The following ENTPD3 variants were observed in gnomAD, a reference collection of about 807,000 sequenced individuals.
ENTPD3 encodes the protein CD39 antigen-like 3.
Under a neutral mutation model 51.2 loss-of-function variants are expected in ENTPD3, and 60 were observed. The ratio of observed to expected loss-of-function variants is 1.17; its 90% CI spans 0.95 to 1.45. The LOEUF is 1.45. ENTPD3 is among the 40% of genes most tolerant of loss of function. The pLI, the probability that ENTPD3 is intolerant of heterozygous loss-of-function variation, is 0.00. For missense variants in ENTPD3, 593 were observed against 641.1 expected (o/e 0.93, Z 0.81); for synonymous variants, 221 against 238.4 (o/e 0.93, Z 0.67).
rs903142713 is a variant in ENTPD3 at position 40,401,014 on chromosome 3, A to G, written c.286+3A>G. 1.9e-6 allele frequency: 3 copies of G among 1,604,784 alleles called. No homozygotes were observed. Among genetic ancestry groups the G allele is most frequent in the Non-Finnish European group, 2.6e-6 (3 of 1,171,590 alleles). On this transcript the variant is annotated splice_donor_region_variant and intron_variant, in intron 4 of 10. Coordinates refer to ENST00000301825, the MANE Select transcript of ENTPD3 (RefSeq NM_001248.4). ...AACCTTCAAATGTAGTGTGAAAGGT[A>G]AGGACTGAAGTGTGTCTGGGAGTCA...
intron 10 of ENTPD3, among the ~76,000 whole-genome samples, chr3:40,425,544 A>T (rs1369979719): frequency 6.6e-6 from 1 of 152,174 alleles, no homozygotes; most frequent in Non-Finnish European, 1.5e-5. Flanking sequence ...AGAGAAATAA[A>T]TCCAGGAGAT....
intron 3 of ENTPD3, among the ~76,000 whole-genome samples, chr3:40,394,048 C>CAAAAA (rs559701033): frequency 9.3e-5 from 6 of 64,418 alleles, no homozygotes; most frequent in African/African-American, 3.6e-4. Context: ...GACTCTGTCT[C>CAAAAA]AAAAAAAAAA....
intron 3 of ENTPD3, among the ~76,000 whole-genome samples, chr3:40,395,121 G>A (rs903732876): frequency 3.9e-5 from 6 of 152,320 alleles, no homozygotes; most frequent in African/African-American, 1.4e-4. Context: ...AGGTGCATGG[G>A]CTCTTTATTC....
At chr3:40,417,227 G>A (rs184183917) in intron 7 of ENTPD3, among the ~76,000 whole-genome samples, 269 of 152,296 alleles carry the variant, frequency 1.8e-3, no homozygotes, top group Non-Finnish European at 2.7e-3. Flanking sequence ...CCCTTCTGTA[G>A]TAATCCATGC....
chr3:40,427,594 A>G lies in ENTPD3; in HGVS notation c.*86A>G. The G allele has an allele frequency of 1.0e-6, 1 of 987,256 alleles. No individual in the cohort carries two copies. The highest frequency in any genetic ancestry group is 1.6e-5 in the African/African-American group (1 of 61,878). 61.2% of individuals were successfully genotyped at this position (987,256 alleles called of 1,614,324 possible). A position where few individuals can be genotyped will look rare whatever the true frequency, so the allele number is the denominator to read the frequency against. ...CAATGCAGGTGAAGTGGCTGCCTTCAGGAAATACAACTAACTAAAATCAAA... is the reference window on the plus strand; with the variant it reads ...CAATGCAGGTGAAGTGGCTGCCTTCGGGAAATACAACTAACTAAAATCAAA... On this transcript the variant is annotated 3_prime_UTR_variant, in exon 11 of 11. Transcript: ENST00000301825.
At chr3:40,421,910 G>A (rs1955881656) in intron 7 of ENTPD3, among the ~76,000 whole-genome samples, 1 of 152,182 alleles carries the variant, frequency 6.6e-6, no homozygotes, top group Non-Finnish European at 1.5e-5. Context: ...AAGGCCTGAT[G>A]GCTGCAAGTG....
intron 7 of ENTPD3, among the ~76,000 whole-genome samples, chr3:40,422,111 C>T (rs1338338402): frequency 1.3e-5 from 2 of 149,914 alleles, no homozygotes; most frequent in Non-Finnish European, 3.0e-5. Context: ...GAGCCTAGCG[C>T]TATGCCTGGT....
At chr3:40,426,649 T>G (rs1048093609) in intron 10 of ENTPD3, among the ~76,000 whole-genome samples, 4 of 152,026 alleles carry the variant, frequency 2.6e-5, no homozygotes, top group African/African-American at 9.7e-5. Flanking sequence ...GAAAGATAAT[T>G]TTGTTAAATT....
chr3:40,421,025 AT>A (rs1165623479), intron 7 of ENTPD3, among the ~76,000 whole-genome samples: 2,318 of 142,140 alleles, frequency 0.016, 36 homozygotes, highest in African/African-American at 0.046. Context: ...ATTAATTTAA[AT>A]TTTTTTTTTT....
chr3:40,411,292 G>GA (rs773251760), intron 4 of ENTPD3, among the ~76,000 whole-genome samples: 144 of 80,208 alleles, frequency 1.8e-3, no homozygotes, highest in Middle Eastern at 7.1e-3. Flanking sequence ...CTCTGTCTCA[G>GA]AAAAAAAAAA....
intron 3 of ENTPD3, chr3:40,392,574 CA>C (rs374441240): frequency 0.012 from 1,534 of 125,526 alleles, 4 homozygotes; most frequent in African/African-American, 0.017. Context: ...CCATCTCTAT[CA>C]AAAAAAAAAA....
chr3:40,392,553 C>T (rs2125587779), intron 3 of ENTPD3: 1 of 153,494 alleles, frequency 6.5e-6, no homozygotes, highest in African/African-American at 2.5e-5. Flanking sequence ...GCTTGGGCAA[C>T]ATGGTGAAAC....
At chr3:40,395,221 T>C (rs892333677) in intron 3 of ENTPD3, among the ~76,000 whole-genome samples, 2 of 152,220 alleles carry the variant, frequency 1.3e-5, no homozygotes, top group African/African-American at 4.8e-5. Context: ...AATGGGCTGG[T>C]TAAGGCAGTT....
rs1575227704 is a variant in ENTPD3, at chr3:40,416,090, T to G, written c.831+17T>G. 6.3e-7 allele frequency: 1 copy of G among 1,598,038 alleles called. No homozygotes were observed. Among genetic ancestry groups the G allele is most frequent in the African/African-American group, 1.3e-5 (1 of 74,534 alleles). On this transcript the variant is annotated intron_variant, in intron 7 of 10. Coordinates refer to ENST00000301825, the MANE Select transcript of ENTPD3 (RefSeq NM_001248.4). ...CTCCTGCAGGTACTTGAGTCGGGGG[T>G]AGGGGGTGGCAGGTGTTCTCTTGAG... is the stretch of plus-strand genomic sequence containing the variant.
chr3:40,427,394 T>G lies in ENTPD3; in HGVS notation c.1476T>G (p.Ala492=), dbSNP rs771573310. The change falls in exon 11 of 11, where the codon GCT becomes GCG. Residue 492 remains alanine, a synonymous_variant. Transcript: ENST00000301825. ...CACCTGTCTTTGTGGGCACCCTCGC[T>G]TTCTTCACAGCGGCAGCCTTGCTGT... ...IEPPVFVGTL[A]FFTAAALLCL... is the part of the protein sequence containing the mutation. 16 of 1,613,828 alleles carry G rather than the reference T, an allele frequency of 9.9e-6. No individual in the cohort carries two copies. The Admixed American group carries it at 2.7e-4, about 27-fold the overall frequency.
At chr3:40,388,404 T>C (rs1249832455) in intron 2 of ENTPD3, among the ~76,000 whole-genome samples, 1 of 152,198 alleles carries the variant, frequency 6.6e-6, no homozygotes, top group African/African-American at 2.4e-5. Context: ...TGCTTTAGAA[T>C]ACTGTATTGT....
intron 3 of ENTPD3, among the ~76,000 whole-genome samples, chr3:40,393,378 T>C (rs1955111679): frequency 6.6e-6 from 1 of 152,236 alleles, no homozygotes; most frequent in South Asian, 2.1e-4. Flanking sequence ...TCTTTGAATC[T>C]CATTTAACAT....
chr3:40,405,989 A>AT (rs374454937), intron 4 of ENTPD3, among the ~76,000 whole-genome samples: 102 of 152,330 alleles, frequency 6.7e-4, no homozygotes, highest in African/African-American at 2.3e-3. Flanking sequence ...TAAACAATAT[A>AT]TACAAAATCT....
At chr3:40,423,462 A>T (rs181329687) in intron 9 of ENTPD3, 61 bp downstream of exon 9, 3 of 1,156,810 alleles carry the variant, frequency 2.6e-6, no homozygotes. Flanking sequence ...AATCTATTCT[A>T]TGTGTGTGTA....
Sources: gnomAD v4.1 joint callset for allele counts (sites outside exome capture counted in the v4.1 genomes callset) on GRCh38, gnomAD v4.1.1 for gene constraint, MANE v1.5 for transcripts, NCBI Gene and HGNC (gene_info 2026-07-23, HGNC 2026-07-21) for gene names.